The following DNAH8 variants were observed in gnomAD, a reference collection of about 807,000 sequenced individuals.
The protein encoded by DNAH8 is axonemal beta dynein heavy chain 8.
DNAH8 carries 382 observed loss-of-function variants against 562.1 expected under a neutral mutation model. That is an observed-to-expected ratio of 0.68 (90% CI 0.63 to 0.74). The LOEUF (loss-of-function observed/expected upper bound fraction) is 0.74. Ranked by LOEUF, DNAH8 falls within the 30% of genes least tolerant of loss-of-function variation. DNAH8 has a pLI of 0.00. For synonymous variants in DNAH8, 1,881 were observed against 1,919.4 expected (o/e 0.98, Z 0.52); for missense variants, 5,203 against 5,620.4 (o/e 0.93, Z 2.37).
chr6:38,723,842 G>A (rs1440069690), intron 3 of DNAH8, among the ~76,000 whole-genome samples: 1 of 151,974 alleles, frequency 6.6e-6, no homozygotes, highest in Non-Finnish European at 1.5e-5. Flanking sequence ...CTGGCTGACA[G>A]AGTGAGATGC....
In DNAH8 at chr6:38,914,502, G is replaced by A. The variant is rs574142271; in HGVS notation, c.9963+550G>A. ...TGCAACCTCCACCTCCTGGGTTCAA[G>A]CGATTCTCCTGCCTAATTTTTGTAT... is the stretch of plus-strand genomic sequence containing the variant. On this transcript the variant is annotated intron_variant, in intron 67 of 92. Coordinates refer to ENST00000327475, the MANE Select transcript of DNAH8 (RefSeq NM_001206927.2). Among the ~76,000 whole-genome samples, 3 of 143,956 alleles carry A rather than the reference G, an allele frequency of 2.1e-5. No individual in the cohort carries two copies. The East Asian group carries it at 6.5e-4, about 31-fold the overall frequency. The allele number at this position is 143,956 out of a possible 152,430, so 94.4% of individuals were successfully genotyped here.
intron 50 of DNAH8, 36 bp from the exon 51 acceptor site, chr6:38,872,870 A>C (rs758391302): frequency 8.5e-5 from 136 of 1,607,424 alleles, no homozygotes; most frequent in Non-Finnish European, 1.1e-4. Context: ...AATTACTTGC[A>C]AGTGAAAAGT....
At chr6:38,830,333 A>G (rs1472700137) in intron 30 of DNAH8, among the ~76,000 whole-genome samples, 1 of 152,144 alleles carries the variant, frequency 6.6e-6, no homozygotes, top group African/African-American at 2.4e-5. Context: ...AAAATTAGAC[A>G]TTAAAAATGA....
Position 38,734,477 on chromosome 6 carries a change from G to A in DNAH8, c.614G>A (p.Cys205Tyr), listed in dbSNP as rs1230239923. The A allele has an allele frequency of 6.2e-7, 1 of 1,613,506 alleles. No homozygotes were observed. The highest frequency in any genetic ancestry group is 8.5e-7 in the Non-Finnish European group (1 of 1,179,902). Residue 205 changes from cysteine to tyrosine, a missense_variant, in exon 5 of 93, where the codon TGT becomes TAT. Physicochemically the swap from Cys to Tyr is radical, Grantham distance 194. This residue lies in a region of DNAH8 where 556 missense variants were observed against 496.9 expected (regional missense o/e 1.12). Transcript: ENST00000327475. ...AGTTCTTGACTTTTGTTTTCAGAAT[G>A]TGGTCGAACTATTGCTGGAGCAACT... ...YQEGDVPGIE[C>Y]GRTIAGATKG...
At chr6:38,790,206 A>G (rs1420316127) in intron 19 of DNAH8, 83 bp from the exon 20 acceptor site, 2 of 791,380 alleles carry the variant, frequency 2.5e-6, no homozygotes, top group South Asian at 1.5e-5. Flanking sequence ...ATAACATATA[A>G]TATTTGTAGG....
intron 5 of DNAH8, among the ~76,000 whole-genome samples, chr6:38,735,127 C>G (rs561919402): frequency 6.6e-6 from 1 of 152,100 alleles, no homozygotes; most frequent in Non-Finnish European, 1.5e-5. Flanking sequence ...ATCCTTTCTG[C>G]GACTTAGATC....
intron 30 of DNAH8, among the ~76,000 whole-genome samples, chr6:38,831,424 C>T (rs1165188789): frequency 1.3e-4 from 14 of 104,006 alleles, no homozygotes; most frequent in Admixed American, 6.3e-4. Context: ...GAGTGAGACA[C>T]CATCTCAAAA....
At chr6:38,962,790 T>C (rs937728982) in intron 82 of DNAH8, among the ~76,000 whole-genome samples, 4 of 152,178 alleles carry the variant, frequency 2.6e-5, no homozygotes, top group African/African-American at 4.8e-5. Context: ...TTAAAACATC[T>C]GTATGTTATA....
At chr6:38,978,317 T>A (rs942951817) in intron 85 of DNAH8, among the ~76,000 whole-genome samples, 3 of 152,214 alleles carry the variant, frequency 2.0e-5, no homozygotes, top group African/African-American at 7.2e-5. Context: ...AATCTCACTA[T>A]TAACAGTTCT....
Position 38,857,619 on chromosome 6 carries a change from A to T in DNAH8, c.5835A>T (p.Lys1945Asn). The stretch of plus-strand genomic sequence containing the variant: ...AAATCATGCAAGTGACCAATCAGAA[A>T]TTTTTGGATATTCTAAATACTCTCA... ...DRKIMQVTNQ[K>N]FLDILNTLIS... is the part of the protein sequence containing the mutation. The change falls in exon 42 of 93, where the codon AAA (lysine) becomes AAT (asparagine). Residue 1945 changes from lysine (K) to asparagine (N), a missense_variant. Transcript: ENST00000327475. The T allele has an allele frequency of 6.2e-7, 1 of 1,613,868 alleles. No homozygotes were observed. The highest frequency in any genetic ancestry group is 8.5e-7 in the Non-Finnish European group (1 of 1,179,818).
chr6:38,856,159 C>G (rs1256725146), intron 41 of DNAH8, among the ~76,000 whole-genome samples: 1 of 152,208 alleles, frequency 6.6e-6, no homozygotes, highest in Non-Finnish European at 1.5e-5. Flanking sequence ...GCTTTCACTT[C>G]TCTGAGGTCA....
chr6:38,780,915 A>G (rs1358241938), intron 15 of DNAH8, among the ~76,000 whole-genome samples: 1 of 152,154 alleles, frequency 6.6e-6, no homozygotes, highest in Non-Finnish European at 1.5e-5. Context: ...TTAAGTTAGT[A>G]TTTTTGCCTA....
intron 85 of DNAH8, 142 bp downstream of exon 85, chr6:38,974,671 G>C (rs1763558022): frequency 6.1e-6 from 4 of 652,886 alleles, no homozygotes; most frequent in Admixed American, 3.0e-5. Context: ...TCCCCACCTG[G>C]TATAGTGTAT....
At chr6:38,799,464 C>G (rs1400886305) in intron 21 of DNAH8, among the ~76,000 whole-genome samples, 1 of 152,260 alleles carries the variant, frequency 6.6e-6, no homozygotes. Context: ...CCACTTCTTC[C>G]TTTGCTTCTC....
Position 38,790,405 on chromosome 6 carries a change from G to A in DNAH8, c.2781G>A (p.Lys927=). ...ATATGTTCAATCAACTTTTAAAGAA[G>A]GTATGATCTATACATTTAAAAAGCT... ...VLDMFNQLLK[K]ISDLCEMHID... The change falls in exon 20 of 93, where the codon AAG becomes AAA. Residue 927 remains lysine, a splice_region_variant and synonymous_variant. Coordinates refer to ENST00000327475, the MANE Select transcript of DNAH8 (RefSeq NM_001206927.2). 1.4e-6 allele frequency: 2 copies of A among 1,427,102 alleles called. No homozygotes were observed. The highest frequency in any genetic ancestry group is 1.2e-5 in the South Asian group (1 of 83,776). 88.4% of individuals were successfully genotyped at this position (1,427,102 alleles called of 1,614,324 possible).
chr6:38,752,898 T>G (rs978029726), intron 9 of DNAH8, among the ~76,000 whole-genome samples: 4 of 152,202 alleles, frequency 2.6e-5, no homozygotes, highest in East Asian at 3.8e-4. Flanking sequence ...TATTTAAAAC[T>G]TATTAGTATT....
At chr6:38,953,093 G>A (rs1762027048) in intron 82 of DNAH8, 1 of 152,070 alleles carries the variant, frequency 6.6e-6, no homozygotes, top group South Asian at 2.1e-4. Flanking sequence ...GTGGCTCATG[G>A]GCTTCACTGC....
chr6:38,779,258 G>A (rs141710867), intron 14 of DNAH8, among the ~76,000 whole-genome samples: 111 of 152,254 alleles, frequency 7.3e-4, no homozygotes, highest in African/African-American at 2.5e-3. Flanking sequence ...TGGAGACCTG[G>A]TGAGACCATT....
intron 1 of DNAH8, among the ~76,000 whole-genome samples, chr6:38,717,560 A>G (rs1762433271): frequency 1.3e-5 from 2 of 150,760 alleles, no homozygotes; most frequent in African/African-American, 4.9e-5. Flanking sequence ...CCTGAGCTTG[A>G]GCTCAGGAGT....
Sources: allele counts gnomAD v4.1 joint callset (sites outside exome capture counted in the v4.1 genomes callset), GRCh38; gene constraint gnomAD v4.1.1; regional missense constraint gnomAD v4.1.1; transcripts MANE v1.5; gene names NCBI Gene and HGNC (gene_info 2026-07-23, HGNC 2026-07-21).